MAD1L1: variants seen among roughly 807,000 people sequenced by gnomAD.
MAD1L1 encodes the protein mitotic spindle assembly checkpoint protein MAD1.
A neutral mutation model predicts 96.9 loss-of-function variants in MAD1L1; 95 were observed. The ratio of observed to expected loss-of-function variants is 0.98; its 90% CI spans 0.83 to 1.16. The LOEUF is 1.16. Ranked by LOEUF, MAD1L1 falls within the 50% of genes most tolerant of loss-of-function variation. The probability of loss-of-function intolerance (pLI) is 0.00; values close to 1 mark genes in which losing one functional copy is unlikely to be tolerated. For missense variants in MAD1L1, 1,007 were observed against 954.4 expected (o/e 1.06, Z -0.73); for synonymous variants, 473 against 396.6 (o/e 1.19, Z -2.29).
chr7:1,853,539 T>C (rs1784088246), intron 18 of MAD1L1, among the ~76,000 whole-genome samples: 1 of 152,184 alleles, frequency 6.6e-6, no homozygotes, highest in Admixed American at 6.5e-5. Context: ...TATGCCATGC[T>C]TCCTTGCCAC....
chr7:2,196,592 C>T (rs1302397364), intron 10 of MAD1L1, among the ~76,000 whole-genome samples: 1 of 152,220 alleles, frequency 6.6e-6, no homozygotes, highest in Non-Finnish European at 1.5e-5. Flanking sequence ...CAAAGCCTGG[C>T]AAACGGCAGG....
intron 10 of MAD1L1, among the ~76,000 whole-genome samples, chr7:2,186,085 A>G (rs1791445878): frequency 6.6e-6 from 1 of 152,252 alleles, no homozygotes. Context: ...AACATCAATG[A>G]ATGTTATCAG....
intron 17 of MAD1L1, among the ~76,000 whole-genome samples, chr7:1,931,935 G>A (rs1789504124): frequency 6.6e-6 from 1 of 152,206 alleles, no homozygotes; most frequent in Admixed American, 6.5e-5. Context: ...TTTTGTGCGG[G>A]GCAGCAAACC....
chr7:2,227,811 G>A (rs536044155), intron 3 of MAD1L1, among the ~76,000 whole-genome samples: 3 of 152,296 alleles, frequency 2.0e-5, no homozygotes, highest in African/African-American at 4.8e-5. Context: ...TGGGCACCCC[G>A]CCTGCAGGGG....
intron 10 of MAD1L1, among the ~76,000 whole-genome samples, chr7:2,200,897 G>A (rs981180978): frequency 4.6e-5 from 7 of 152,310 alleles, no homozygotes; most frequent in Admixed American, 2.0e-4. Flanking sequence ...TGGGAGGAGC[G>A]GGATGCGGGT....
At chr7:1,913,167 G>A (rs983134854) in intron 17 of MAD1L1, among the ~76,000 whole-genome samples, 2 of 152,308 alleles carry the variant, frequency 1.3e-5, no homozygotes, top group South Asian at 2.1e-4. Context: ...AGGCAGCGAG[G>A]CCTCGGATTC....
intron 12 of MAD1L1, among the ~76,000 whole-genome samples, chr7:2,030,224 A>C (rs966136021): frequency 2.0e-5 from 3 of 152,332 alleles, no homozygotes; most frequent in East Asian, 3.9e-4. Flanking sequence ...GAAGGTCCAC[A>C]CACAGCCTGA....
chr7:1,955,745 T>C (rs1779697721), intron 16 of MAD1L1, among the ~76,000 whole-genome samples: 1 of 152,126 alleles, frequency 6.6e-6, no homozygotes, highest in South Asian at 2.1e-4. Flanking sequence ...TCCTGGATGT[T>C]GCCTACTGGT....
intron 17 of MAD1L1, among the ~76,000 whole-genome samples, chr7:1,917,378 G>C (rs1036293655): frequency 3.3e-5 from 5 of 152,168 alleles, no homozygotes; most frequent in African/African-American, 9.7e-5. Context: ...CCAGAGATAA[G>C]GACATGGGGG....
chr7:2,078,272 C>A (rs978392613), intron 11 of MAD1L1, among the ~76,000 whole-genome samples: 1 of 152,218 alleles, frequency 6.6e-6, no homozygotes, highest in African/African-American at 2.4e-5. Flanking sequence ...GGATCCCCCA[C>A]GTCAACCCAC....
At chr7:1,843,754 C>T (rs531570989) in intron 18 of MAD1L1, among the ~76,000 whole-genome samples, 26 of 152,246 alleles carry the variant, frequency 1.7e-4, no homozygotes, top group African/African-American at 5.8e-4. Context: ...CAGGAGAGCC[C>T]GCTGCAAGAA....
intron 11 of MAD1L1, among the ~76,000 whole-genome samples, chr7:2,072,015 T>TTGAGTTC (rs1461841564): frequency 2.6e-5 from 4 of 152,238 alleles, no homozygotes; most frequent in Admixed American, 6.5e-5. Context: ...ATACGTTTCC[T>TTGAGTTC]TGAGTTCTGT....
intron 10 of MAD1L1, among the ~76,000 whole-genome samples, chr7:2,211,122 G>A (rs184350918): frequency 7.9e-4 from 120 of 152,258 alleles, no homozygotes; most frequent in Middle Eastern, 3.4e-3. Context: ...CATGCCACTT[G>A]CTTCCCGCCC....
intron 10 of MAD1L1, among the ~76,000 whole-genome samples, chr7:2,158,727 C>T (rs866848619): frequency 3.3e-5 from 5 of 152,186 alleles, no homozygotes; most frequent in Non-Finnish European, 1.5e-5. Context: ...AAGGTGGGGT[C>T]GCCAGGTTGG....
chr7:1,987,760 G>T (rs1781222894), intron 14 of MAD1L1, among the ~76,000 whole-genome samples: 1 of 152,362 alleles, frequency 6.6e-6, no homozygotes, highest in Middle Eastern at 3.4e-3. Flanking sequence ...AGGGCTCCTT[G>T]TGAGGACCTG....
chr7:1,888,136 G>A (rs1378688466), intron 18 of MAD1L1, among the ~76,000 whole-genome samples: 1 of 150,760 alleles, frequency 6.6e-6, no homozygotes, highest in African/African-American at 2.5e-5. Context: ...TTGTGTGCAT[G>A]TGGCTGCCTG....
chr7:1,842,531 G>A (rs1283625241), intron 18 of MAD1L1, among the ~76,000 whole-genome samples: 2 of 152,262 alleles, frequency 1.3e-5, no homozygotes, highest in South Asian at 2.1e-4. Flanking sequence ...CCACAATGCC[G>A]CGTGCTCACT....
chr7:1,873,498 A>T (rs1183737760), intron 18 of MAD1L1, among the ~76,000 whole-genome samples: 1 of 151,646 alleles, frequency 6.6e-6, no homozygotes, highest in Non-Finnish European at 1.5e-5. Flanking sequence ...GGAGCACGGC[A>T]CGGCCGGGGC....
At chr7:1,983,554 T>C (rs1400110403) in intron 14 of MAD1L1, among the ~76,000 whole-genome samples, 1 of 152,268 alleles carries the variant, frequency 6.6e-6, no homozygotes, top group East Asian at 1.9e-4. Context: ...ATTCTTTTTA[T>C]AGAAATCAGA....
Sources: gnomAD v4.1 joint callset for allele counts (sites outside exome capture counted in the v4.1 genomes callset) on GRCh38, gnomAD v4.1.1 for gene constraint, MANE v1.5 for transcripts, NCBI Gene and HGNC (gene_info 2026-07-23, HGNC 2026-07-21) for gene names.